The following EHF variants were observed in gnomAD, a reference collection of about 807,000 sequenced individuals.
The protein encoded by EHF is ETS homologous factor.
A neutral mutation model predicts 45.1 loss-of-function variants in EHF; 14 were observed. The observed-to-expected ratio is 0.31, with a 90% CI of 0.21 to 0.49. EHF has a LOEUF of 0.49. Ranked by LOEUF, EHF falls within the 20% of genes least tolerant of loss-of-function variation. The probability of loss-of-function intolerance (pLI) is 0.99; values close to 1 mark genes in which losing one functional copy is unlikely to be tolerated. For synonymous variants in EHF, 136 were observed against 131.8 expected (o/e 1.03, Z -0.22); for missense variants, 282 against 371.4 (o/e 0.76, Z 1.98).
At chr11:34,654,838 A>G (rs1855515294) in intron 6 of EHF, among the ~76,000 whole-genome samples, 1 of 152,248 alleles carries the variant, frequency 6.6e-6, no homozygotes, top group Non-Finnish European at 1.5e-5. Context: ...AATTGAGGCC[A>G]ATATACTGAG....
At chr11:34,648,944 G>A (rs1208857411) in intron 3 of EHF, 75 bp from the exon 4 acceptor site, 1 of 1,426,532 alleles carries the variant, frequency 7.0e-7, no homozygotes, top group Non-Finnish European at 9.8e-7. Context: ...AAAGATGCCA[G>A]TTCTGTCCTT....
chr11:34,659,027 G>A lies in EHF; in HGVS notation c.*96G>A, dbSNP rs757885668. On this transcript the variant is annotated 3_prime_UTR_variant, in exon 9 of 9. Coordinates refer to ENST00000257831, the MANE Select transcript of EHF (RefSeq NM_012153.6). ...AATATTTCAAAGACTACTTTTCTCTGATATTTATGTACCATGAGGGGAACA... is the reference window on the plus strand; with the variant it reads ...AATATTTCAAAGACTACTTTTCTCTAATATTTATGTACCATGAGGGGAACA... 1.5e-5 allele frequency: 14 copies of A among 917,000 alleles called. No homozygotes were observed. The highest frequency in any genetic ancestry group is 2.3e-5 in the Non-Finnish European group (14 of 613,772). 56.8% of individuals were successfully genotyped at this position (917,000 alleles called of 1,614,324 possible).
chr11:34,656,562 G>A (rs1001166450), intron 6 of EHF, among the ~76,000 whole-genome samples: 1 of 141,190 alleles, frequency 7.1e-6, no homozygotes, highest in East Asian at 2.4e-4. Flanking sequence ...CAACCTCAGG[G>A]CCTTTGCACT....
intron 1 of EHF, among the ~76,000 whole-genome samples, chr11:34,629,636 C>G (rs540447480): frequency 6.6e-6 from 1 of 152,266 alleles, no homozygotes; most frequent in South Asian, 2.1e-4. Context: ...AAATTCAAAA[C>G]AGGGATGTGG....
chr11:34,650,454 G>A (rs1332548917), intron 4 of EHF, among the ~76,000 whole-genome samples: 3 of 152,154 alleles, frequency 2.0e-5, no homozygotes, highest in East Asian at 1.9e-4. Flanking sequence ...CTAAAATACC[G>A]GCTAAATCCC....
chr11:34,652,970 C>T (rs752235217), intron 6 of EHF, among the ~76,000 whole-genome samples: 7 of 152,198 alleles, frequency 4.6e-5, no homozygotes, highest in Non-Finnish European at 8.8e-5. Context: ...ATAGATCAAA[C>T]ACTGGCAAGG....
At chr11:34,636,162 C>G (rs1272450785) in intron 1 of EHF, among the ~76,000 whole-genome samples, 39 of 152,202 alleles carry the variant, frequency 2.6e-4, no homozygotes, top group Non-Finnish European at 5.9e-5. Context: ...ATTATAAAAA[C>G]CAGCAAACAT....
At chr11:34,653,685 T>A (rs920493577) in intron 6 of EHF, among the ~76,000 whole-genome samples, 3 of 152,220 alleles carry the variant, frequency 2.0e-5, no homozygotes, top group African/African-American at 7.2e-5. Flanking sequence ...AATTACAGCC[T>A]TATATGGGTC....
intron 1 of EHF, among the ~76,000 whole-genome samples, chr11:34,638,154 G>A (rs941916230): frequency 2.0e-5 from 3 of 152,054 alleles, no homozygotes; most frequent in East Asian, 1.9e-4. Flanking sequence ...CACCCGCCTC[G>A]GCCTCCCAAA....
In EHF at chr11:34,659,968, C is replaced by T. The variant is rs1370124945; in HGVS notation, c.*1037C>T. The T allele has an allele frequency of 6.6e-6, 1 of 152,102 alleles. No individual in the cohort carries two copies. Among genetic ancestry groups the T allele is most frequent in the Non-Finnish European group, 1.5e-5 (1 of 68,000 alleles). The allele number at this position is 152,102 out of a possible 1,614,324, so 9.4% of individuals were successfully genotyped here. A position where few individuals can be genotyped will look rare whatever the true frequency, so the allele number is the denominator to read the frequency against. On this transcript the variant is annotated 3_prime_UTR_variant, in exon 9 of 9. Coordinates refer to ENST00000257831, the MANE Select transcript of EHF (RefSeq NM_012153.6). ...GTCTCTAGACATCACCAAATGTTCCCTGGGGGTGGCAAATTTGCCCTTGAT... is the reference window on the plus strand; with the variant it reads ...GTCTCTAGACATCACCAAATGTTCCTTGGGGGTGGCAAATTTGCCCTTGAT...
At chr11:34,644,894 A>G (rs1024501190) in intron 2 of EHF, among the ~76,000 whole-genome samples, 1 of 152,240 alleles carries the variant, frequency 6.6e-6, no homozygotes, top group Non-Finnish European at 1.5e-5. Flanking sequence ...CTGGTGATTC[A>G]CGATCACGTT....
At chr11:34,626,292 A>G (rs1852370404) in intron 1 of EHF, among the ~76,000 whole-genome samples, 1 of 152,192 alleles carries the variant, frequency 6.6e-6, no homozygotes, top group Non-Finnish European at 1.5e-5. Context: ...AACATCCCCC[A>G]AAAGTCTGTT....
intron 1 of EHF, among the ~76,000 whole-genome samples, chr11:34,630,117 G>C (rs1852742291): frequency 6.6e-6 from 1 of 152,192 alleles, no homozygotes; most frequent in Middle Eastern, 3.2e-3. Context: ...GGAAAAAGTT[G>C]TGGGAATCGT....
At chr11:34,633,662 T>C (rs537255273) in intron 1 of EHF, among the ~76,000 whole-genome samples, 2 of 152,142 alleles carry the variant, frequency 1.3e-5, no homozygotes, top group Non-Finnish European at 2.9e-5. Context: ...ATGTAAATGT[T>C]TGGAAGAAGA....
At chr11:34,622,325 C>A in intron 1 of EHF, 1 of 932,088 alleles carries the variant, frequency 1.1e-6, no homozygotes, top group Non-Finnish European at 1.5e-6. Flanking sequence ...GTTATCTGCA[C>A]TCACCTTGGT....
rs1473405246 is a variant in EHF, at chr11:34,651,732, C to T, written c.476-5C>T. The T allele has an allele frequency of 1.2e-6, 2 of 1,613,828 alleles. No homozygotes were observed. Among genetic ancestry groups the T allele is most frequent in the African/African-American group, 1.3e-5 (1 of 74,880 alleles). The stretch of plus-strand genomic sequence containing the variant: ...TAAATGTCCTTTATCTTTTCATGGC[C>T]ACAGATTTGTTGGACAGCAAAACTT... On this transcript the variant is annotated splice_region_variant and splice_polypyrimidine_tract_variant and intron_variant, in intron 5 of 8. Transcript: ENST00000257831.
At chr11:34,653,731 T>C (rs1175935267) in intron 6 of EHF, among the ~76,000 whole-genome samples, 1 of 152,248 alleles carries the variant, frequency 6.6e-6, no homozygotes, top group Non-Finnish European at 1.5e-5. Context: ...CTCTACTGCA[T>C]GGAAGCAGAA....
chr11:34,644,135 C>T (rs903001419), intron 2 of EHF, among the ~76,000 whole-genome samples: 1 of 152,194 alleles, frequency 6.6e-6, no homozygotes, highest in African/African-American at 2.4e-5. Context: ...ACAAGATACA[C>T]TAGCAGGGAC....
intron 1 of EHF, among the ~76,000 whole-genome samples, chr11:34,625,484 T>C (rs16925921): frequency 0.014 from 2,191 of 152,282 alleles, 47 homozygotes; most frequent in African/African-American, 0.051. Flanking sequence ...ATCCATGACT[T>C]ACTGAGTAGA....
Sources: gnomAD v4.1 joint callset for allele counts (sites outside exome capture counted in the v4.1 genomes callset) on GRCh38, gnomAD v4.1.1 for gene constraint, MANE v1.5 for transcripts, NCBI Gene and HGNC (gene_info 2026-07-23, HGNC 2026-07-21) for gene names.